The following PCF11 variants were observed in gnomAD, a reference collection of about 807,000 sequenced individuals.
PCF11 encodes PCF11 cleavage and polyadenylation factor subunit, also known as pre-mRNA cleavage complex 2 protein Pcf11.
PCF11 carries 19 observed loss-of-function variants against 166.1 expected under a neutral mutation model. That is an observed-to-expected ratio of 0.11 (90% CI 0.08 to 0.17). The LOEUF (loss-of-function observed/expected upper bound fraction) is 0.17. Ranked by LOEUF, PCF11 falls within the 10% of genes least tolerant of loss-of-function variation. The pLI is 1.00. For missense variants in PCF11, 1,565 were observed against 1,855.5 expected, an observed-to-expected ratio of 0.84 and a Z score of 2.88; for synonymous variants, 663 against 644.1, an observed-to-expected ratio of 1.03 and a Z score of -0.44.
chr11:83,157,145 T>C (rs963209952), exon 1 of PCF11: 6 of 562,082 alleles, frequency 1.1e-5, no homozygotes, highest in East Asian at 5.7e-5. Flanking sequence ...GACGCAGCGG[T>C]TGGGAACACA....
chr11:83,169,133 C>T, exon 8 of PCF11: 2 of 1,613,652 alleles, frequency 1.2e-6, no homozygotes, highest in South Asian at 2.2e-5. Context: ...TTTGATGGAC[C>T]TCATGGTCAG....
At chr11:83,185,653 CAT>C (rs1221764314) in exon 16 of PCF11, 2 of 152,290 alleles carry the variant, frequency 1.3e-5, no homozygotes, top group African/African-American at 4.8e-5. Context: ...TGCAGATGAA[CAT>C]ATTTCTATTT....
chr11:83,181,821 G>T, intron 12 of PCF11, 33 bp from the exon 13 acceptor site: 1 of 1,497,530 alleles, frequency 6.7e-7, no homozygotes, highest in Non-Finnish European at 9.0e-7. Flanking sequence ...AGAAATAAAT[G>T]GAATAATCTT....
At chr11:83,184,911 A>G (rs1168496060) in exon 16 of PCF11, 3 of 1,498,894 alleles carry the variant, frequency 2.0e-6, no homozygotes, top group Non-Finnish European at 2.7e-6. Flanking sequence ...TGAGAAAGGT[A>G]TGTTTTTCTT....
intron 11 of PCF11, among the ~76,000 whole-genome samples, chr11:83,179,894 G>A (rs574448247): frequency 2.5e-4 from 38 of 152,106 alleles, no homozygotes; most frequent in African/African-American, 8.7e-4. Flanking sequence ...CTGCATCCTG[G>A]GTGACAGAGC....
At chr11:83,185,048 G>A in exon 16 of PCF11, 1 of 535,516 alleles carries the variant, frequency 1.9e-6, no homozygotes, top group East Asian at 3.4e-5. Flanking sequence ...ATACATTTTA[G>A]TATTTGCATT....
At chr11:83,163,334 G>GT in intron 2 of PCF11, among the ~76,000 whole-genome samples, 1 of 151,700 alleles carries the variant, frequency 6.6e-6, no homozygotes, top group East Asian at 1.9e-4. Flanking sequence ...TTTTCTAGTT[G>GT]TTTTATATTT....
chr11:83,160,552 A>G (rs1198638985), intron 1 of PCF11, among the ~76,000 whole-genome samples: 2 of 152,162 alleles, frequency 1.3e-5, no homozygotes, highest in African/African-American at 2.4e-5. Context: ...CTGTATCAGC[A>G]TCACCACACT....
At chr11:83,163,848 C>A in exon 3 of PCF11, 1 of 1,521,194 alleles carries the variant, frequency 6.6e-7, no homozygotes, top group Non-Finnish European at 8.8e-7. Flanking sequence ...CATGTGAATC[C>A]TAAATTTTTA....
Position 83,165,523 on chromosome 11 carries a change from C to G in PCF11, c.703-77C>G. ...ATATATTTATTGAATAAAGCATTAT[C>G]TTCTTCAGTTGTTTGCAATTTCTTG... On this transcript the variant is annotated intron_variant, in intron 4 of 15. Transcript: ENST00000298281. The G allele has an allele frequency of 1.1e-5, 12 of 1,049,992 alleles. 1 individual carries two copies. The highest frequency in any genetic ancestry group is 2.3e-4 in the Middle Eastern group (1 of 4,348). The allele number at this position is 1,049,992 out of a possible 1,614,324, so 65.0% of individuals were successfully genotyped here. A position where few individuals can be genotyped will look rare whatever the true frequency, so the allele number is the denominator to read the frequency against.
rs532311186 is a variant in PCF11, at chr11:83,166,971, T to C, written c.1818-154T>C. ...CAGAATTCATATCTGTTTTTGCTGA[T>C]TTCATATTTTGTGCTCTTAATCATT... is the stretch of plus-strand genomic sequence containing the variant. On this transcript the variant is annotated intron_variant, in intron 5 of 15. Transcript: ENST00000298281. Among the ~76,000 whole-genome samples the C allele has an allele frequency of 3.3e-5, 5 of 152,226 alleles. No homozygotes were observed. In the South Asian group the frequency reaches 1.0e-3, roughly 31 times the overall value.
exon 8 of PCF11, chr11:83,169,328 C>G (rs770339300): frequency 1.9e-6 from 3 of 1,611,840 alleles, no homozygotes; most frequent in South Asian, 1.1e-5. Flanking sequence ...TTTGAAGGCC[C>G]TTTAGTCCAA....
intron 15 of PCF11, among the ~76,000 whole-genome samples, chr11:83,183,853 A>G (rs1861170608): frequency 6.6e-6 from 1 of 152,058 alleles, no homozygotes; most frequent in Non-Finnish European, 1.5e-5. Flanking sequence ...CGTTGACCTT[A>G]AAAGTTCAAA....
intron 14 of PCF11, 90 bp from the exon 15 acceptor site, chr11:83,182,948 C>T (rs1266138820): frequency 1.2e-6 from 1 of 824,314 alleles, no homozygotes; most frequent in African/African-American, 1.8e-5. Context: ...TTTCCAAAGA[C>T]TATCTTCTGG....
chr11:83,177,644 A>G (rs1198784067), intron 10 of PCF11, 70 bp from the exon 11 acceptor site: 1 of 726,024 alleles, frequency 1.4e-6, no homozygotes. Flanking sequence ...TTATAATACT[A>G]TAGTGTTCCT....
At chr11:83,158,527 C>G (rs1860095874) in intron 1 of PCF11, 1 of 152,214 alleles carries the variant, frequency 6.6e-6, no homozygotes, top group East Asian at 1.9e-4. Context: ...CCTTATATTT[C>G]CCTGTAGTCC....
chr11:83,177,773 C>A, exon 11 of PCF11: 1 of 1,541,434 alleles, frequency 6.5e-7, no homozygotes, highest in South Asian at 1.2e-5. Flanking sequence ...AAATGAAGAT[C>A]AAGATGTTCC....
rs553124931 is a variant in PCF11, at chr11:83,186,505, G to A, written c.*1611G>A. 13 of 152,334 alleles carry A rather than the reference G, an allele frequency of 8.5e-5. No individual in the cohort carries two copies. In the East Asian group the frequency reaches 2.5e-3, roughly 29 times the overall value. 9.4% of individuals were successfully genotyped at this position (152,334 alleles called of 1,614,324 possible). A position where few individuals can be genotyped will look rare whatever the true frequency, so the allele number is the denominator to read the frequency against. ...TACTGCCTTGGCCTCCCAGAGTGCT[G>A]GGATTACAGGCATGAGCCACGTGCC... On this transcript the variant is annotated 3_prime_UTR_variant, in exon 16 of 16. Coordinates refer to ENST00000298281, the Ensembl canonical transcript of PCF11.
chr11:83,173,017 T>C (rs565739527), intron 9 of PCF11, among the ~76,000 whole-genome samples: 1 of 152,344 alleles, frequency 6.6e-6, no homozygotes, highest in Admixed American at 6.5e-5. Context: ...GTTATTATTA[T>C]TATTTTGTTA....
Sources: allele counts gnomAD v4.1 joint callset (sites outside exome capture counted in the v4.1 genomes callset), GRCh38; gene constraint gnomAD v4.1.1; transcripts MANE v1.5; gene names NCBI Gene and HGNC (gene_info 2026-07-23, HGNC 2026-07-21).